XRCC5: variants seen among roughly 807,000 people sequenced by gnomAD.
XRCC5 encodes DNA repair protein Ku80.
Under a neutral mutation model 95.7 loss-of-function variants are expected in XRCC5, and 12 were observed. The observed-to-expected ratio is 0.13, with a 90% CI of 0.08 to 0.20. XRCC5 has a LOEUF of 0.20. Ranked by LOEUF, XRCC5 falls within the 10% of genes least tolerant of loss-of-function variation. The probability of loss-of-function intolerance (pLI) is 1.00; values close to 1 mark genes in which losing one functional copy is unlikely to be tolerated. For synonymous variants in XRCC5, 281 were observed against 290.3 expected (o/e 0.97, Z 0.33); for missense variants, 595 against 873.9 (o/e 0.68, Z 4.02).
intron 9 of XRCC5, 116 bp downstream of exon 9, chr2:216,131,103 A>C: frequency 7.0e-7 from 1 of 1,420,508 alleles, no homozygotes; most frequent in South Asian, 1.4e-5. Context: ...TTTTTCTAAA[A>C]TGTAGTCTGG....
At chr2:216,114,746 A>G in intron 2 of XRCC5, among the ~76,000 whole-genome samples, 1 of 152,294 alleles carries the variant, frequency 6.6e-6, no homozygotes, top group East Asian at 1.9e-4. Flanking sequence ...AGCAAGCTAT[A>G]ATCCTTAAGG....
At chr2:216,145,190 G>A (rs961596246) in intron 13 of XRCC5, among the ~76,000 whole-genome samples, 1 of 152,032 alleles carries the variant, frequency 6.6e-6, no homozygotes, top group Non-Finnish European at 1.5e-5. Context: ...GAGAAAGAGA[G>A]GACACAGTAA....
chr2:216,171,232 A>G (rs1277018353), intron 16 of XRCC5, among the ~76,000 whole-genome samples: 1 of 152,252 alleles, frequency 6.6e-6, no homozygotes. Context: ...TTCAAATTGC[A>G]TGCCCAAGGC....
At chr2:216,154,916 C>A (rs1688814263) in intron 14 of XRCC5, among the ~76,000 whole-genome samples, 1 of 151,852 alleles carries the variant, frequency 6.6e-6, no homozygotes, top group Non-Finnish European at 1.5e-5. Context: ...ATCCAACTAT[C>A]TAGAGAAAAC....
At chr2:216,179,951 T>C (rs1689351732) in intron 16 of XRCC5, among the ~76,000 whole-genome samples, 1 of 152,172 alleles carries the variant, frequency 6.6e-6, no homozygotes, top group Non-Finnish European at 1.5e-5. Flanking sequence ...CGATTTTTGA[T>C]CTGTTTTGAA....
At chr2:216,174,999 G>T in intron 16 of XRCC5, 2 of 317,136 alleles carry the variant, frequency 6.3e-6, no homozygotes, top group South Asian at 6.4e-5. Flanking sequence ...ACCCTTTAAT[G>T]GGTTCATAAT....
intron 14 of XRCC5, 37 bp downstream of exon 14, chr2:216,148,313 A>T: frequency 6.4e-7 from 1 of 1,570,608 alleles, no homozygotes; most frequent in Non-Finnish European, 8.6e-7. Flanking sequence ...ACATTGGGGT[A>T]CATAAGAGTT....
intron 1 of XRCC5, among the ~76,000 whole-genome samples, chr2:216,112,049 G>A (rs556652335): frequency 6.6e-6 from 1 of 152,346 alleles, no homozygotes; most frequent in South Asian, 2.1e-4. Context: ...TCACGTTGTT[G>A]ATTGATTTTA....
At chr2:216,158,804 A>G (rs1486882035) in intron 14 of XRCC5, among the ~76,000 whole-genome samples, 1 of 152,076 alleles carries the variant, frequency 6.6e-6, no homozygotes, top group African/African-American at 2.4e-5. Context: ...TCTTTTACCT[A>G]CCTCTAAGAG....
chr2:216,187,817 A>ACTCT (rs1367704597), intron 16 of XRCC5, among the ~76,000 whole-genome samples: 9 of 59,058 alleles, frequency 1.5e-4, no homozygotes, highest in African/African-American at 5.2e-4. Flanking sequence ...ACACACACAC[A>ACTCT]CACACTCTCT....
At chr2:216,115,831 T>C (rs539504698) in intron 2 of XRCC5, among the ~76,000 whole-genome samples, 53 of 152,310 alleles carry the variant, frequency 3.5e-4, no homozygotes, top group African/African-American at 1.2e-3. Flanking sequence ...AATAAAGTGT[T>C]ACAGATAAAC....
chr2:216,110,489 AGTGGAGGAGCT>A (rs1299754492), intron 1 of XRCC5: 2 of 152,122 alleles, frequency 1.3e-5, no homozygotes, highest in Non-Finnish European at 2.9e-5. Context: ...TTGTAGCTCT[AGTGGAGGAGCT>A]GTTTGTTGCA....
intron 5 of XRCC5, among the ~76,000 whole-genome samples, chr2:216,120,505 A>G (rs1315053132): frequency 2.6e-5 from 4 of 152,100 alleles, no homozygotes; most frequent in African/African-American, 9.7e-5. Context: ...TATTCCATGT[A>G]CAGCTGATTG....
At chr2:216,186,796 A>G (rs1039983246) in intron 16 of XRCC5, among the ~76,000 whole-genome samples, 2 of 152,226 alleles carry the variant, frequency 1.3e-5, no homozygotes, top group Non-Finnish European at 2.9e-5. Flanking sequence ...TTAATGTAGA[A>G]GCAGAGAAAA....
intron 6 of XRCC5, among the ~76,000 whole-genome samples, chr2:216,123,238 A>T (rs828699): frequency 6.6e-6 from 1 of 151,894 alleles, no homozygotes. Context: ...TATTTTTTCT[A>T]AACGACCATT....
At chr2:216,129,667 G>A (rs28539272) in intron 8 of XRCC5, among the ~76,000 whole-genome samples, 2,160 of 152,182 alleles carry the variant, frequency 0.014, 55 homozygotes, top group African/African-American at 0.05. Context: ...AGACATACAT[G>A]GAAATAAAAA....
intron 16 of XRCC5, among the ~76,000 whole-genome samples, chr2:216,165,776 C>T (rs980909736): frequency 1.3e-5 from 2 of 152,158 alleles, no homozygotes; most frequent in Non-Finnish European, 2.9e-5. Flanking sequence ...GATTGTTTGA[C>T]CCTTAGGTAG....
At chr2:216,118,329 C>G (rs1696740831) in intron 4 of XRCC5, among the ~76,000 whole-genome samples, 1 of 151,890 alleles carries the variant, frequency 6.6e-6, no homozygotes, top group South Asian at 2.1e-4. Flanking sequence ...GGTGCACACC[C>G]AAGTCCAGCT....
intron 3 of XRCC5, 105 bp from the exon 4 acceptor site, chr2:216,117,641 A>G (rs527320812): frequency 7.9e-6 from 9 of 1,138,940 alleles, no homozygotes; most frequent in Non-Finnish European, 1.2e-5. Context: ...AAGTCATCAC[A>G]TAGTTCAGTG....
Sources: allele counts gnomAD v4.1 joint callset (sites outside exome capture counted in the v4.1 genomes callset), GRCh38; gene constraint gnomAD v4.1.1; transcripts MANE v1.5; gene names NCBI Gene and HGNC (gene_info 2026-07-23, HGNC 2026-07-21).